Variants in ACACA observed in about 807,000 individuals in gnomAD.
The protein encoded by ACACA is acetyl-CoA carboxylase alpha, also known as acetyl-CoA carboxylase 1.
A neutral mutation model predicts 296.1 loss-of-function variants in ACACA; 103 were observed. That is an observed-to-expected ratio of 0.35 (90% CI 0.30 to 0.41). The LOEUF is 0.41. Among genes scored for constraint, ACACA ranks in the 10% least tolerant of loss-of-function variants. The pLI is 1.00. For missense variants in ACACA, 1,554 were observed against 2,989.7 expected (o/e 0.52, Z 11.20); for synonymous variants, 953 against 1,038.6 (o/e 0.92, Z 1.58).
intron 54 of ACACA, among the ~76,000 whole-genome samples, chr17:37,093,458 C>T (rs2072779542): frequency 6.6e-6 from 1 of 152,032 alleles, no homozygotes; most frequent in Non-Finnish European, 1.5e-5. Context: ...GCAGGGGAAA[C>T]TAGCATATTT....
intron 41 of ACACA, among the ~76,000 whole-genome samples, chr17:37,163,583 C>A (rs1163118545): frequency 6.6e-6 from 1 of 152,160 alleles, no homozygotes; most frequent in Non-Finnish European, 1.5e-5. Context: ...ATGATCCAGG[C>A]TCCTTGTACT....
At chr17:37,123,236 C>T (rs1405784720) in intron 48 of ACACA, among the ~76,000 whole-genome samples, 1 of 152,096 alleles carries the variant, frequency 6.6e-6, no homozygotes, top group African/African-American at 2.4e-5. Context: ...ATCAACAAGC[C>T]CTTAATTTTC....
intron 55 of ACACA, 67 bp downstream of exon 55, chr17:37,088,871 T>A (rs1014576062): frequency 7.6e-6 from 12 of 1,581,322 alleles, no homozygotes; most frequent in East Asian, 6.7e-5. Flanking sequence ...CATGATTTGT[T>A]TGGAAACTTT....
At chr17:37,257,553 A>T (rs1423017294) in intron 14 of ACACA, 150 bp downstream of exon 14, 1 of 708,504 alleles carries the variant, frequency 1.4e-6, no homozygotes, top group African/African-American at 1.8e-5. Context: ...CATGAATGCA[A>T]GTGTAATTAA....
At chr17:37,106,629 T>C (rs2073703678) in intron 52 of ACACA, among the ~76,000 whole-genome samples, 1 of 152,178 alleles carries the variant, frequency 6.6e-6, no homozygotes, top group African/African-American at 2.4e-5. Context: ...CATATCCATA[T>C]AAAAAAGGTC....
chr17:37,388,378 C>T lies in ACACA; in HGVS notation c.38+17884G>A, dbSNP rs916743958. Among the ~76,000 whole-genome samples the T allele has an allele frequency of 4.6e-5, 7 of 152,048 alleles. No homozygotes were observed. In the East Asian group the frequency reaches 1.3e-3, roughly 29 times the overall value. On this transcript the variant is annotated intron_variant, in intron 1 of 55. Transcript: ENST00000616317. ...TCCATGTGTACCCGAGATTTTTCTT[C>T]CTGCGAGCAGTGTAAGAATCAGCCC...
At position 37,209,606 on chromosome 17, in the gene ACACA, T is replaced by G. The variant is rs1415426844; in HGVS notation, c.3707+861A>C. ...AAAAGCATTCCCTTTCCTCTCCACA[T>G]CCAAATTGGGATCTAAAAGCTATGA... On this transcript the variant is annotated intron_variant, in intron 30 of 55. Coordinates refer to ENST00000616317, the MANE Select transcript of ACACA (RefSeq NM_198834.3). Among the ~76,000 whole-genome samples the G allele has an allele frequency of 6.6e-5, 10 of 152,262 alleles. No individual in the cohort carries two copies. The East Asian group carries it at 1.9e-3, about 29-fold the overall frequency.
intron 52 of ACACA, among the ~76,000 whole-genome samples, chr17:37,102,362 G>A (rs2073416470): frequency 6.6e-6 from 1 of 151,996 alleles, no homozygotes; most frequent in South Asian, 2.1e-4. Flanking sequence ...CCGTCACCAA[G>A]CCTGACTGAT....
At chr17:37,342,970 TCAGA>T (rs751621297) in intron 1 of ACACA, among the ~76,000 whole-genome samples, 1 of 152,070 alleles carries the variant, frequency 6.6e-6, no homozygotes, top group Non-Finnish European at 1.5e-5. Flanking sequence ...TGCATTTCAT[TCAGA>T]AATTTTTTTT....
At position 37,248,070 on chromosome 17, in the gene ACACA, T is replaced by C; in HGVS notation, c.2250A>G (p.Gly750=). The C allele has an allele frequency of 5.0e-6, 8 of 1,614,122 alleles. No individual in the cohort carries two copies. The highest frequency in any genetic ancestry group is 5.9e-6 in the Non-Finnish European group (7 of 1,180,024). ...TGCTGCCATCATAGGACAAGAGCAG[T>C]CCACCGTCACTCAGCCGATGTACAT... ...EVDVHRLSDG[G]LLLSYDGSSY... The change falls in exon 18 of 56, where the codon GGA becomes GGG. Residue 750 remains glycine (G), a synonymous_variant. Transcript: ENST00000616317.
In ACACA at chr17:37,121,467, A is replaced by G. The variant is rs773878205; in HGVS notation, c.6162T>C (p.Val2054=). The G allele has an allele frequency of 1.2e-6, 2 of 1,614,092 alleles. No individual in the cohort carries two copies. The highest frequency in any genetic ancestry group is 4.5e-5 in the East Asian group (2 of 44,896). The change falls in exon 50 of 56, where the codon GTT becomes GTC. Residue 2054 remains valine, a synonymous_variant. Transcript: ENST00000616317. The part of the protein sequence containing the change: ...EAKIIQQAGQ[V]WFPDSAFKTY... ...TCTTAAACGCAGAATCTGGGAACCA[A>G]ACCTGGCCAGCCTGCTGGATTATCT... is the stretch of plus-strand genomic sequence containing the variant.
chr17:37,229,312 T>C (rs2079719953), intron 25 of ACACA, among the ~76,000 whole-genome samples: 1 of 152,118 alleles, frequency 6.6e-6, no homozygotes, highest in Admixed American at 6.5e-5. Flanking sequence ...TTCTGTTTTG[T>C]TTTGTTTTTA....
chr17:37,186,489 T>G (rs1434278564), intron 39 of ACACA, among the ~76,000 whole-genome samples: 1 of 152,228 alleles, frequency 6.6e-6, no homozygotes, highest in Non-Finnish European at 1.5e-5. Flanking sequence ...TGTATTAACT[T>G]CATACAATGA....
Position 37,386,825 on chromosome 17 carries a change from C to CT in ACACA, c.38+19436dup, listed in dbSNP as rs112796389. 5.3e-3 allele frequency: 770 copies of CT among 144,598 alleles called. 6 individuals carry two copies. The highest frequency in any genetic ancestry group is 0.014 in the African/African-American group (574 of 39,758). 9.0% of individuals were successfully genotyped at this position (144,598 alleles called of 1,614,324 possible). The stretch of plus-strand genomic sequence containing the variant: ...ACACCAACCAAGTGCTTTTCTTTTT[C>CT]TTTTTTTTTTTTTGAGACAGGGTCT... On this transcript the variant is annotated intron_variant, in intron 1 of 55. Coordinates refer to ENST00000616317, the MANE Select transcript of ACACA (RefSeq NM_198834.3).
At chr17:37,162,112 T>C in intron 41 of ACACA, 62 bp from the exon 42 acceptor site, 1 of 1,571,566 alleles carries the variant, frequency 6.4e-7, no homozygotes, top group South Asian at 1.1e-5. Flanking sequence ...TTTTTCAGGT[T>C]CATTGAAGGT....
chr17:37,250,968 A>G (rs1297429952), intron 16 of ACACA, among the ~76,000 whole-genome samples: 3 of 152,164 alleles, frequency 2.0e-5, no homozygotes, highest in Admixed American at 2.0e-4. Flanking sequence ...CGGACCTTGC[A>G]GCGAGCCGAG....
intron 1 of ACACA, among the ~76,000 whole-genome samples, chr17:37,371,231 C>A (rs1471389718): frequency 2.0e-5 from 3 of 151,756 alleles, no homozygotes; most frequent in African/African-American, 7.3e-5. Context: ...AGGCATCTGC[C>A]ACCATGCCTG....
intron 47 of ACACA, among the ~76,000 whole-genome samples, chr17:37,127,842 CAA>C (rs748709541): frequency 2.3e-5 from 1 of 44,440 alleles, no homozygotes; most frequent in Admixed American, 2.6e-4. Context: ...GACTCCGCCT[CAA>C]AAAAAAAAAA....
At chr17:37,098,083 C>T (rs2142735600) in intron 52 of ACACA, 99 bp from the exon 53 acceptor site, 5 of 1,445,888 alleles carry the variant, frequency 3.5e-6, no homozygotes, top group Non-Finnish European at 4.9e-6. Context: ...TCAGCCTGCC[C>T]CCTCTTCCCT....
Sources: allele counts gnomAD v4.1 joint callset (sites outside exome capture counted in the v4.1 genomes callset), GRCh38; gene constraint gnomAD v4.1.1; transcripts MANE v1.5; gene names NCBI Gene and HGNC (gene_info 2026-07-23, HGNC 2026-07-21).